PRELID2: variants seen among roughly 807,000 people sequenced by gnomAD.
The protein encoded by PRELID2 is PRELI domain containing 2.
PRELID2 carries 25 observed loss-of-function variants against 28.4 expected under a neutral mutation model. The ratio of observed to expected loss-of-function variants is 0.88; its 90% confidence interval spans 0.64 to 1.23. The LOEUF (loss-of-function observed/expected upper bound fraction) is 1.23. PRELID2 is among the 50% of genes most tolerant of loss of function. The pLI, the probability that PRELID2 is intolerant of heterozygous loss-of-function variation, is 0.00. For synonymous variants in PRELID2, 76 were observed against 71.6 expected (o/e 1.06, Z -0.31); for missense variants, 201 against 214.4 (o/e 0.94, Z 0.39).
intron 1 of PRELID2, among the ~76,000 whole-genome samples, chr5:145,564,685 C>T (rs944943610): frequency 4.6e-5 from 7 of 152,218 alleles, no homozygotes; most frequent in African/African-American, 1.4e-4. Context: ...AAGCACAGCT[C>T]TACAGACCAC....
the PRELID2 span, among the ~76,000 whole-genome samples, chr5:145,270,297 T>C: frequency 6.6e-6 from 1 of 152,140 alleles, no homozygotes; most frequent in African/African-American, 2.4e-5. Context: ...AAATATTCAT[T>C]GTATAGCAGC....
intron 5 of PRELID2, among the ~76,000 whole-genome samples, chr5:145,784,452 A>C (rs941382359): frequency 5.3e-5 from 8 of 152,182 alleles, no homozygotes; most frequent in Non-Finnish European, 1.0e-4. Context: ...TAAGTCTTTC[A>C]TTCAAGTTAT....
the PRELID2 span, among the ~76,000 whole-genome samples, chr5:145,267,260 T>G: frequency 6.6e-6 from 1 of 152,140 alleles, no homozygotes; most frequent in African/African-American, 2.4e-5. Flanking sequence ...TGGCAGCTGA[T>G]TAGATGGTGC....
the PRELID2 span, among the ~76,000 whole-genome samples, chr5:145,256,507 A>C: frequency 6.6e-6 from 1 of 151,954 alleles, no homozygotes; most frequent in Non-Finnish European, 1.5e-5. Flanking sequence ...TTTTATCTGC[A>C]ACCTTAGTTG....
At chr5:145,281,707 C>T in the PRELID2 span, among the ~76,000 whole-genome samples, 3 of 152,098 alleles carry the variant, frequency 2.0e-5, no homozygotes, top group Non-Finnish European at 2.9e-5. Context: ...ATGTCCATTG[C>T]GTGAAAATCT....
At chr5:145,561,221 A>G (rs1216389812) in intron 1 of PRELID2, among the ~76,000 whole-genome samples, 1 of 152,202 alleles carries the variant, frequency 6.6e-6, no homozygotes, top group African/African-American at 2.4e-5. Context: ...ATTTCCAGAG[A>G]AAATTCTTTG....
At chr5:145,500,977 G>A (rs1230031436) in intron 1 of PRELID2, among the ~76,000 whole-genome samples, 2 of 152,148 alleles carry the variant, frequency 1.3e-5, no homozygotes, top group Non-Finnish European at 2.9e-5. Flanking sequence ...AGCAGAGGGA[G>A]GACCTGGCCT....
intron 5 of PRELID2, among the ~76,000 whole-genome samples, chr5:145,790,234 T>C (rs1320429877): frequency 1.3e-5 from 2 of 152,222 alleles, no homozygotes; most frequent in East Asian, 3.9e-4. Flanking sequence ...AGCCAAGATA[T>C]GGAATCAACC....
the PRELID2 span, among the ~76,000 whole-genome samples, chr5:145,357,516 C>T: frequency 9.9e-5 from 15 of 152,178 alleles, no homozygotes; most frequent in African/African-American, 3.4e-4. Context: ...ATTTCCTCAG[C>T]TTGGTCAATT....
At chr5:145,388,844 CCAT>C in the PRELID2 span, among the ~76,000 whole-genome samples, 1 of 152,146 alleles carries the variant, frequency 6.6e-6, no homozygotes, top group Non-Finnish European at 1.5e-5. Flanking sequence ...CCATCATTCT[CCAT>C]CATGATTTTT....
At chr5:145,504,854 G>C (rs1333054089) in intron 1 of PRELID2, among the ~76,000 whole-genome samples, 1 of 151,968 alleles carries the variant, frequency 6.6e-6, no homozygotes, top group African/African-American at 2.4e-5. Flanking sequence ...TAGTTTCCTG[G>C]GATGGTGCCT....
chr5:145,613,193 C>T (rs546102665), intron 1 of PRELID2, among the ~76,000 whole-genome samples: 12 of 152,110 alleles, frequency 7.9e-5, no homozygotes, highest in African/African-American at 1.4e-4. Context: ...GAGGTAGTAT[C>T]GCATTGTGGT....
the PRELID2 span, among the ~76,000 whole-genome samples, chr5:145,396,679 T>G: frequency 7.2e-5 from 11 of 152,202 alleles, no homozygotes; most frequent in African/African-American, 2.6e-4. Flanking sequence ...TCACCCTAAT[T>G]TCTGAGCAGA....
chr5:145,372,954 T>C, the PRELID2 span, among the ~76,000 whole-genome samples: 1 of 54,724 alleles, frequency 1.8e-5, no homozygotes, highest in Non-Finnish European at 3.6e-5. Flanking sequence ...TATATGATAT[T>C]ATATATTACA....
chr5:145,453,904 G>A, the PRELID2 span, among the ~76,000 whole-genome samples: 3 of 152,076 alleles, frequency 2.0e-5, no homozygotes, highest in African/African-American at 7.2e-5. Flanking sequence ...TTACTATTGT[G>A]AATAGTGCTG....
the PRELID2 span, among the ~76,000 whole-genome samples, chr5:145,300,700 C>CTTTT: frequency 2.3e-5 from 3 of 128,418 alleles, no homozygotes; most frequent in Non-Finnish European, 4.9e-5. Flanking sequence ...TTTTTATTTA[C>CTTTT]TTTTTTTTTT....
intron 1 of PRELID2, among the ~76,000 whole-genome samples, chr5:145,697,976 T>A (rs1470245466): frequency 6.7e-6 from 1 of 150,146 alleles, no homozygotes; most frequent in East Asian, 1.9e-4. Context: ...GTGATTGTCC[T>A]AATGTCCCTC....
Position 145,758,027 on chromosome 5 carries a change from C to T in PRELID2, c.*2509G>A, listed in dbSNP as rs193035744. ...GTACAAAAATGCAAATCCATTAAAG[C>T]TTGGCCAGGATGTTTAGGCCTGTCC... On this transcript the variant is annotated 3_prime_UTR_variant, in exon 7 of 7. Coordinates refer to ENST00000683046, the MANE Select transcript of PRELID2 (RefSeq NM_205846.3). 6.6e-5 allele frequency among the ~76,000 whole-genome samples: 10 copies of T among 152,204 alleles called. No individual in the cohort carries two copies. The East Asian group carries it at 1.9e-3, about 29-fold the overall frequency.
intron 1 of PRELID2, among the ~76,000 whole-genome samples, chr5:145,476,295 A>G (rs1036534051): frequency 1.3e-5 from 2 of 152,230 alleles, no homozygotes; most frequent in African/African-American, 4.8e-5. Context: ...TAGTTAGAAA[A>G]ATATGCAGAA....
Sources: gnomAD v4.1 joint callset for allele counts (sites outside exome capture counted in the v4.1 genomes callset) on GRCh38, gnomAD v4.1.1 for gene constraint, MANE v1.5 for transcripts, NCBI Gene and HGNC (gene_info 2026-07-23, HGNC 2026-07-21) for gene names.